Variants in FBXO21 observed in about 807,000 individuals in gnomAD.
The protein encoded by FBXO21 is F-box only protein 21.
A neutral mutation model predicts 76.6 loss-of-function variants in FBXO21; 32 were observed. That is an observed-to-expected ratio of 0.42 (90% confidence interval 0.32 to 0.56). The LOEUF (loss-of-function observed/expected upper bound fraction) is 0.56. FBXO21 is among the 20% of genes least tolerant of loss of function. The pLI is 0.16. For synonymous variants in FBXO21, 328 were observed against 311.5 expected (o/e 1.05, Z -0.56); for missense variants, 586 against 797.3 (o/e 0.73, Z 3.19).
intron 2 of FBXO21, among the ~76,000 whole-genome samples, chr12:117,188,337 G>A (rs1956306302): frequency 6.6e-6 from 1 of 152,140 alleles, no homozygotes; most frequent in South Asian, 2.1e-4. Context: ...TTGAGACCAG[G>A]TGTTCAAGAC....
intron 10 of FBXO21, among the ~76,000 whole-genome samples, chr12:117,157,567 T>C (rs1382458889): frequency 1.3e-5 from 2 of 152,182 alleles, no homozygotes; most frequent in Non-Finnish European, 2.9e-5. Flanking sequence ...AAAAAACTCG[T>C]GTCTTACAAA....
intron 8 of FBXO21, among the ~76,000 whole-genome samples, chr12:117,166,019 G>A (rs1212123761): frequency 6.6e-6 from 1 of 151,938 alleles, no homozygotes; most frequent in African/African-American, 2.4e-5. Context: ...GAGAAACCCC[G>A]TCTCTACTAA....
chr12:117,181,580 G>A (rs536451181), intron 3 of FBXO21, among the ~76,000 whole-genome samples: 5 of 107,944 alleles, frequency 4.6e-5, no homozygotes, highest in African/African-American at 1.6e-4. Context: ...TCGATCGATC[G>A]ATCTATCTAT....
At chr12:117,182,156 A>G (rs1956240576) in intron 3 of FBXO21, among the ~76,000 whole-genome samples, 1 of 152,228 alleles carries the variant, frequency 6.6e-6, no homozygotes, top group Non-Finnish European at 1.5e-5. Context: ...CTTCCATGAA[A>G]ACTGGTATCC....
intron 4 of FBXO21, 61 bp from the exon 5 acceptor site, chr12:117,174,858 A>G: frequency 1.3e-6 from 2 of 1,560,624 alleles, no homozygotes; most frequent in Admixed American, 3.5e-5. Context: ...ATTAGTTTGC[A>G]ATTTTACCCT....
At chr12:117,182,185 G>A (rs753101552) in intron 3 of FBXO21, among the ~76,000 whole-genome samples, 6 of 152,112 alleles carry the variant, frequency 3.9e-5, no homozygotes, top group Non-Finnish European at 8.8e-5. Context: ...TTTTAAATGC[G>A]GGGTATTCTA....
In FBXO21 at chr12:117,162,575, C is replaced by T. The variant is rs150871504; in HGVS notation, c.1326+2910G>A. ...CCCGCCCTCTCTATGTCCATACAGCCGTCATAACCCTGCATTACTGTGACA... is the reference window on the plus strand; with the variant it reads ...CCCGCCCTCTCTATGTCCATACAGCTGTCATAACCCTGCATTACTGTGACA... On this transcript the variant is annotated intron_variant, in intron 9 of 11. Transcript: ENST00000622495. Among the ~76,000 whole-genome samples, 504 of 152,294 alleles carry T rather than the reference C, an allele frequency of 3.3e-3. 3 individuals carry two copies. Among genetic ancestry groups the T allele is most frequent in the African/African-American group, 0.011 (474 of 41,562 alleles).
At chr12:117,186,862 C>A (rs1956288354) in intron 2 of FBXO21, among the ~76,000 whole-genome samples, 1 of 152,240 alleles carries the variant, frequency 6.6e-6, no homozygotes, top group South Asian at 2.1e-4. Context: ...CATAGTGGTT[C>A]ATGACTGTAA....
chr12:117,174,077 C>T (rs1360576435), intron 6 of FBXO21, 128 bp downstream of exon 6: 4 of 740,174 alleles, frequency 5.4e-6, no homozygotes, highest in Admixed American at 2.3e-5. Context: ...TTTGAGGTTG[C>T]GGTAAGCTAT....
At chr12:117,164,085 C>T (rs940557340) in intron 9 of FBXO21, among the ~76,000 whole-genome samples, 1 of 145,630 alleles carries the variant, frequency 6.9e-6, no homozygotes, top group Non-Finnish European at 1.5e-5. Flanking sequence ...CATGGTGAAA[C>T]TCAGTTTCTA....
chr12:117,147,844 C>T (rs182886581), intron 11 of FBXO21, among the ~76,000 whole-genome samples: 245 of 152,348 alleles, frequency 1.6e-3, no homozygotes, highest in African/African-American at 5.7e-3. Flanking sequence ...GCAGATCCTC[C>T]TATTGTGACT....
At chr12:117,159,103 G>T (rs1248948605) in intron 9 of FBXO21, among the ~76,000 whole-genome samples, 1 of 152,092 alleles carries the variant, frequency 6.6e-6, no homozygotes, top group African/African-American at 2.4e-5. Flanking sequence ...GATGCATTGT[G>T]AGCCTGTCAA....
At chr12:117,184,199 C>G (rs1592897796) in intron 3 of FBXO21, among the ~76,000 whole-genome samples, 1 of 97,820 alleles carries the variant, frequency 1.0e-5, no homozygotes, top group South Asian at 4.5e-4. Context: ...CAAAACAACT[C>G]CCCCCTGCTC....
intron 3 of FBXO21, among the ~76,000 whole-genome samples, chr12:117,184,845 T>C (rs1265983728): frequency 6.6e-6 from 1 of 152,242 alleles, no homozygotes; most frequent in Non-Finnish European, 1.5e-5. Flanking sequence ...TTGAAGAGGA[T>C]GGATTTCCAT....
intron 9 of FBXO21, among the ~76,000 whole-genome samples, chr12:117,158,790 A>G (rs1181018794): frequency 1.3e-5 from 2 of 152,346 alleles, no homozygotes; most frequent in African/African-American, 2.4e-5. Context: ...AGTAGCACAG[A>G]GTAGCAGCCC....
At position 117,155,962 on chromosome 12, in the gene FBXO21, G is replaced by C. The variant is rs373307555; in HGVS notation, c.1518-14C>G. 5.0e-6 allele frequency: 8 copies of C among 1,612,916 alleles called. No homozygotes were observed. The African/African-American group carries it at 9.3e-5, about 19-fold the overall frequency. ...TTATAGCCATACCTAGTTAACACAG[G>C]AGGAGCAGTCAGTCCCTGCAGACCC... On this transcript the variant is annotated splice_polypyrimidine_tract_variant and intron_variant, in intron 10 of 11. Coordinates refer to ENST00000622495, the MANE Select transcript of FBXO21 (RefSeq NM_015002.3).
chr12:117,169,272 T>G (rs1315435103), intron 7 of FBXO21, among the ~76,000 whole-genome samples: 1 of 152,094 alleles, frequency 6.6e-6, no homozygotes, highest in African/African-American at 2.4e-5. Flanking sequence ...AACTATGTGA[T>G]GAGAACACAT....
At chr12:117,181,840 G>A (rs561627309) in intron 3 of FBXO21, among the ~76,000 whole-genome samples, 11 of 152,122 alleles carry the variant, frequency 7.2e-5, no homozygotes, top group African/African-American at 2.7e-4. Flanking sequence ...CAGTAGAGAC[G>A]GCGTTTCTCC....
chr12:117,187,555 T>C (rs1956296160), intron 2 of FBXO21, among the ~76,000 whole-genome samples: 1 of 150,570 alleles, frequency 6.6e-6, no homozygotes, highest in Non-Finnish European at 1.5e-5. Flanking sequence ...AACGCCAAGA[T>C]CCCGGGCCAA....
Sources: gnomAD v4.1 joint callset for allele counts (sites outside exome capture counted in the v4.1 genomes callset) on GRCh38, gnomAD v4.1.1 for gene constraint, MANE v1.5 for transcripts, NCBI Gene and HGNC (gene_info 2026-07-23, HGNC 2026-07-21) for gene names.